Variants in PDXK observed in about 807,000 individuals in gnomAD.
The protein encoded by PDXK is epididymis secretory sperm binding protein Li 1a.
A neutral mutation model predicts 43.2 loss-of-function variants in PDXK; 15 were observed. The ratio of observed to expected loss-of-function variants is 0.35; its 90% CI spans 0.23 to 0.53. The LOEUF (loss-of-function observed/expected upper bound fraction) is 0.53, where lower values mean the gene tolerates loss of function less well. Ranked by LOEUF, PDXK falls within the 20% of genes least tolerant of loss-of-function variation. The probability of loss-of-function intolerance (pLI) is 0.92; values close to 1 mark genes in which losing one functional copy is unlikely to be tolerated. For missense variants in PDXK, 343 were observed against 417.0 expected, an observed-to-expected ratio of 0.82 and a Z score of 1.54; for synonymous variants, 172 against 165.4, an observed-to-expected ratio of 1.04 and a Z score of -0.31.
At position 43,746,194 on chromosome 21, in the gene PDXK, G is replaced by A; in HGVS notation, c.378+69G>A. 3.3e-6 allele frequency: 4 copies of A among 1,226,982 alleles called. No homozygotes were observed. In the South Asian group the frequency reaches 4.8e-5, roughly 15 times the overall value. 76.0% of individuals were successfully genotyped at this position (1,226,982 alleles called of 1,614,324 possible). A position where few individuals can be genotyped will look rare whatever the true frequency, so the allele number is the denominator to read the frequency against. ...GCTATTCCTGTCCAGCCAGAAGACA[G>A]GCCCACATCTCTAAGTGTCTAACTC... On this transcript the variant is annotated intron_variant, in intron 5 of 10. Transcript: ENST00000291565.
chr21:43,750,781 T>G (rs1408794154), intron 7 of PDXK, among the ~76,000 whole-genome samples: 1 of 54,176 alleles, frequency 1.8e-5, no homozygotes, highest in Non-Finnish European at 3.5e-5. Flanking sequence ...GTATTGTGTG[T>G]GGGTGTGTGT....
intron 7 of PDXK, among the ~76,000 whole-genome samples, chr21:43,750,758 C>T (rs1344975556): frequency 6.6e-5 from 9 of 136,108 alleles, no homozygotes; most frequent in East Asian, 2.2e-4. Context: ...TGCATGTGTG[C>T]GTGTGTGCGC....
At position 43,734,051 on chromosome 21, in the gene PDXK, TC is replaced by T; in HGVS notation, c.88-16del. Reference sequence around the variant, plus strand: ...ACCTGGCTCTCTTACGCCTACCTGTTCCTTCTCTGTCTTGCAGGTTTTGGGA... The same window carrying T: ...ACCTGGCTCTCTTACGCCTACCTGTTCTTCTCTGTCTTGCAGGTTTTGGGA... On this transcript the variant is annotated splice_polypyrimidine_tract_variant and intron_variant, in intron 1 of 10. Coordinates refer to ENST00000291565, the MANE Select transcript of PDXK (RefSeq NM_003681.5). The surrounding 1 kb of genome is among the most constrained non-coding windows in gnomAD (Gnocchi z 5.0). 1 of 1,613,900 alleles carries T rather than the reference TC, an allele frequency of 6.2e-7. No homozygotes were observed. Among genetic ancestry groups the T allele is most frequent in the Non-Finnish European group, 8.5e-7 (1 of 1,179,736 alleles).
At chr21:43,740,717 C>T (rs1347122916) in intron 2 of PDXK, among the ~76,000 whole-genome samples, 1 of 151,906 alleles carries the variant, frequency 6.6e-6, no homozygotes, top group Non-Finnish European at 1.5e-5. Context: ...TTCACCCTGG[C>T]TACCCATCGG....
intron 5 of PDXK, among the ~76,000 whole-genome samples, chr21:43,747,471 C>T (rs1217955910): frequency 2.0e-5 from 3 of 152,258 alleles, no homozygotes. Flanking sequence ...CCCGCTGGGT[C>T]AGTGGTTGAA....
At chr21:43,728,818 C>CA (rs1444746941) in intron 1 of PDXK, 1 of 985,594 alleles carries the variant, frequency 1.0e-6, no homozygotes, top group African/African-American at 1.7e-5. Flanking sequence ...TCCTGCGGTC[C>CA]AGCCGGATGA....
intron 5 of PDXK, among the ~76,000 whole-genome samples, chr21:43,747,430 C>T (rs925189495): frequency 8.5e-5 from 13 of 152,280 alleles, no homozygotes; most frequent in Non-Finnish European, 1.9e-4. Flanking sequence ...TCCACTGGCA[C>T]AGGGCACGCC....
At chr21:43,724,616 G>A (rs1156966867) in intron 1 of PDXK, among the ~76,000 whole-genome samples, 1 of 151,708 alleles carries the variant, frequency 6.6e-6, no homozygotes, top group African/African-American at 2.4e-5. Context: ...CCGAGATGGG[G>A]GGATCACTTG....
At chr21:43,741,917 C>G in intron 3 of PDXK, 146 bp downstream of exon 3, 1 of 656,686 alleles carries the variant, frequency 1.5e-6, no homozygotes. Flanking sequence ...AAGCCACCAT[C>G]ACACCCCCGG....
chr21:43,719,227 C>T lies in PDXK; in HGVS notation c.-68C>T, dbSNP rs906472000. The T allele has an allele frequency of 1.3e-5, 12 of 924,880 alleles. No individual in the cohort carries two copies. The highest frequency in any genetic ancestry group is 6.5e-5 in the South Asian group (2 of 30,658). The allele number at this position is 924,880 out of a possible 1,614,324, so 57.3% of individuals were successfully genotyped here. A position where few individuals can be genotyped will look rare whatever the true frequency, so the allele number is the denominator to read the frequency against. Reference sequence around the variant, plus strand: ...GCCGGAGCCCGAGCCCGAGCCGAGCCGGAGCCCGAGCGAGCGGCGGAGACC... The same window carrying T: ...GCCGGAGCCCGAGCCCGAGCCGAGCTGGAGCCCGAGCGAGCGGCGGAGACC... On this transcript the variant is annotated 5_prime_UTR_variant, in exon 1 of 11. Transcript: ENST00000291565.
chr21:43,733,730 G>T (rs2083357805), intron 1 of PDXK: 1 of 1,057,274 alleles, frequency 9.5e-7, no homozygotes. Flanking sequence ...TTTATTGTTT[G>T]TTAGTCTTAT....
intron 1 of PDXK, among the ~76,000 whole-genome samples, chr21:43,724,840 C>CAAA (rs553153040): frequency 2.4e-4 from 27 of 111,440 alleles, no homozygotes; most frequent in Non-Finnish European, 2.9e-4. Context: ...GACCCTGTCT[C>CAAA]AAAAAAAAAA....
rs1030269815 is a variant in PDXK, at chr21:43,756,225, G to A, written c.*162G>A. On this transcript the variant is annotated 3_prime_UTR_variant, in exon 11 of 11. Transcript: ENST00000291565. ...GTCTTCATTGTGAAACGTGCCAGTC[G>A]TGCTTTGTGAAAAATAACAAAGTGG... is the stretch of plus-strand genomic sequence containing the variant. 12 of 539,640 alleles carry A rather than the reference G, an allele frequency of 2.2e-5. No individual in the cohort carries two copies. The highest frequency in any genetic ancestry group is 7.7e-5 in the African/African-American group (4 of 52,168). The allele number at this position is 539,640 out of a possible 1,614,324, so 33.4% of individuals were successfully genotyped here.
intron 9 of PDXK, chr21:43,755,404 C>G: frequency 4.5e-6 from 2 of 439,938 alleles, no homozygotes; most frequent in Non-Finnish European, 8.3e-6. Context: ...TCCTACCAAG[C>G]TCCTGCTGCC....
intron 1 of PDXK, among the ~76,000 whole-genome samples, chr21:43,733,080 T>G (rs2083341759): frequency 6.6e-6 from 1 of 152,208 alleles, no homozygotes; most frequent in African/African-American, 2.4e-5. Context: ...CTTTAACTTT[T>G]TAGATTAGTA....
At chr21:43,728,818 C>T (rs1336726385) in intron 1 of PDXK, 3 of 985,476 alleles carry the variant, frequency 3.0e-6, no homozygotes, top group African/African-American at 1.7e-5. Context: ...TCCTGCGGTC[C>T]AGCCGGATGA....
In PDXK at chr21:43,723,923, G is replaced by A. The variant is rs2083228857; in HGVS notation, c.87+4542G>A. On this transcript the variant is annotated intron_variant, in intron 1 of 10. Coordinates refer to ENST00000291565, the MANE Select transcript of PDXK (RefSeq NM_003681.5). The surrounding 1 kb of genome is among the most constrained non-coding windows in gnomAD (Gnocchi z 4.1). ...GTGCGCTTTCACAGGGCCGCTCCTA[G>A]GGAGGAGGTTGTGGACATCAGACAT... The A allele has an allele frequency of 6.6e-6, 1 of 152,322 alleles. No individual in the cohort carries two copies. Among genetic ancestry groups the A allele is most frequent in the African/African-American group, 2.4e-5 (1 of 41,466 alleles). 9.4% of individuals were successfully genotyped at this position (152,322 alleles called of 1,614,324 possible).
chr21:43,728,270 C>T (rs907539373), intron 1 of PDXK, among the ~76,000 whole-genome samples: 1 of 152,144 alleles, frequency 6.6e-6, no homozygotes, highest in East Asian at 1.9e-4. Context: ...GTGGGAGGGA[C>T]GCGGGGTGCT....
At chr21:43,755,904 G>A in intron 10 of PDXK, 47 bp from the exon 11 acceptor site, 2 of 1,506,526 alleles carry the variant, frequency 1.3e-6, no homozygotes, top group East Asian at 2.3e-5. Flanking sequence ...GGCAACAGCG[G>A]GAGCCCCTCT....
Sources: allele counts gnomAD v4.1 joint callset (sites outside exome capture counted in the v4.1 genomes callset), GRCh38; gene constraint gnomAD v4.1.1; non-coding constraint Gnocchi (gnomAD v3.1); transcripts MANE v1.5; gene names NCBI Gene and HGNC (gene_info 2026-07-23, HGNC 2026-07-21).